The following DENND1B variants were observed in gnomAD, a reference collection of about 807,000 sequenced individuals.
DENND1B encodes DENN domain-containing protein 1B.
A neutral mutation model predicts 90.1 loss-of-function variants in DENND1B; 59 were observed. That is an observed-to-expected ratio of 0.65 (90% CI 0.53 to 0.81). The LOEUF (loss-of-function observed/expected upper bound fraction) is 0.81, where lower values mean the gene tolerates loss of function less well. DENND1B is among the 40% of genes least tolerant of loss of function. The pLI is 0.00. For missense variants in DENND1B, 862 were observed against 912.6 expected (o/e 0.94, Z 0.71); for synonymous variants, 337 against 324.6 (o/e 1.04, Z -0.41).
rs1262677343 is a variant in DENND1B, at chr1:197,734,950, C to A, written c.83-19876G>T. On this transcript the variant is annotated intron_variant, in intron 2 of 22. Coordinates refer to ENST00000620048, the MANE Select transcript of DENND1B (RefSeq NM_001195215.2). ...CACATGAAAATCTAAGCCTGGCAAA[C>A]AAAAATATTTAAATTAAAGACTCTG... The A allele has an allele frequency of 5.1e-6, 5 of 984,786 alleles. No individual in the cohort carries two copies. In the African/African-American group the frequency reaches 8.8e-5, roughly 17 times the overall value. The allele number at this position is 984,786 out of a possible 1,614,324, so 61.0% of individuals were successfully genotyped here. A position where few individuals can be genotyped will look rare whatever the true frequency, so the allele number is the denominator to read the frequency against.
At chr1:197,751,887 G>C (rs1391968597) in intron 2 of DENND1B, among the ~76,000 whole-genome samples, 1 of 146,042 alleles carries the variant, frequency 6.8e-6, no homozygotes, top group Non-Finnish European at 1.5e-5. Context: ...AGGAGGAGGA[G>C]GGAGGAGGAG....
upstream of DENND1B, among the ~76,000 whole-genome samples, chr1:197,777,775 CTTTA>C (rs1202602779): frequency 5.3e-5 from 8 of 152,114 alleles, no homozygotes; most frequent in Non-Finnish European, 8.8e-5. Flanking sequence ...AGAACATGGT[CTTTA>C]TTTATTAATT....
chr1:197,680,997 T>C (rs1558394922), intron 3 of DENND1B, among the ~76,000 whole-genome samples: 1 of 152,182 alleles, frequency 6.6e-6, no homozygotes, highest in Non-Finnish European at 1.5e-5. Context: ...CTTTTATTAG[T>C]CAGCTATTTG....
At chr1:197,643,707 C>T (rs774036503) in intron 9 of DENND1B, among the ~76,000 whole-genome samples, 3 of 152,138 alleles carry the variant, frequency 2.0e-5, no homozygotes, top group Admixed American at 1.3e-4. Flanking sequence ...TTTATATCCA[C>T]TATAATCAAA....
intron 3 of DENND1B, among the ~76,000 whole-genome samples, chr1:197,686,693 T>C (rs1218233309): frequency 6.6e-6 from 1 of 151,906 alleles, no homozygotes; most frequent in Non-Finnish European, 1.5e-5. Flanking sequence ...CTCCTCCCAC[T>C]GAAAAGTATC....
intron 2 of DENND1B, among the ~76,000 whole-genome samples, chr1:197,745,781 T>C (rs1264227401): frequency 6.6e-6 from 1 of 151,798 alleles, no homozygotes; most frequent in Non-Finnish European, 1.5e-5. Flanking sequence ...CTGAGAAAGA[T>C]ACTTAGGAAG....
chr1:197,595,335 T>C lies in DENND1B; in HGVS notation c.922-2A>G. 6.2e-7 allele frequency: 1 copy of C among 1,611,230 alleles called. No homozygotes were observed. The highest frequency in any genetic ancestry group is 1.1e-5 in the South Asian group (1 of 90,758). ...CAGTTTATTTTTCAAGGCCGAGACC[T>C]GCATGACAGAGAGGAACAGTTAAAT... On this transcript the variant is annotated splice_acceptor_variant, in intron 13 of 22. Coordinates refer to ENST00000620048, the MANE Select transcript of DENND1B (RefSeq NM_001195215.2). LOFTEE classifies it high-confidence loss of function.
intron 9 of DENND1B, among the ~76,000 whole-genome samples, chr1:197,644,194 T>C (rs1572172899): frequency 6.6e-6 from 1 of 152,196 alleles, no homozygotes; most frequent in African/African-American, 2.4e-5. Flanking sequence ...TTTCCTATAA[T>C]CTAAAAGAAA....
In DENND1B at chr1:197,507,402, T is replaced by C. The variant is rs1444578169; in HGVS notation, c.*3058A>G. The C allele has an allele frequency of 3.3e-5, 5 of 151,308 alleles. No individual in the cohort carries two copies. Among genetic ancestry groups the C allele is most frequent in the Non-Finnish European group, 7.4e-5 (5 of 67,536 alleles). 9.4% of individuals were successfully genotyped at this position (151,308 alleles called of 1,614,324 possible). ...TGTTTTGGTGCTTTTCTAAGACACA[T>C]TAAAGTAGGTAATCATCAAAAGATA... On this transcript the variant is annotated 3_prime_UTR_variant, in exon 23 of 23. Coordinates refer to ENST00000620048, the MANE Select transcript of DENND1B (RefSeq NM_001195215.2).
At chr1:197,551,113 C>CA (rs368753746) in intron 16 of DENND1B, among the ~76,000 whole-genome samples, 13,931 of 49,140 alleles carry the variant, frequency 0.28, 698 homozygotes, top group South Asian at 0.37. Flanking sequence ...ACACACACAC[C>CA]CCCTAGATAG....
intron 18 of DENND1B, 110 bp downstream of exon 18, chr1:197,545,812 T>A (rs561654734): frequency 3.8e-5 from 35 of 929,972 alleles, no homozygotes; most frequent in South Asian, 1.2e-4. Flanking sequence ...AATTTTTTTT[T>A]AGGTTTATTT....
chr1:197,731,569 T>G (rs757875274), intron 2 of DENND1B, among the ~76,000 whole-genome samples: 1 of 152,140 alleles, frequency 6.6e-6, no homozygotes, highest in Non-Finnish European at 1.5e-5. Context: ...AAGTCAAACT[T>G]CATATAGACA....
At chr1:197,704,839 A>G (rs1558423668) in intron 3 of DENND1B, among the ~76,000 whole-genome samples, 2 of 151,758 alleles carry the variant, frequency 1.3e-5, no homozygotes. Context: ...CAACATTCCA[A>G]GCAGAAAAAA....
At chr1:197,636,588 CACATAAT>C in intron 10 of DENND1B, among the ~76,000 whole-genome samples, 2 of 152,236 alleles carry the variant, frequency 1.3e-5, no homozygotes, top group Middle Eastern at 6.8e-3. Context: ...CTGTACCTAC[CACATAAT>C]ACATAATAAT....
intron 16 of DENND1B, chr1:197,552,150 C>T (rs1272870979): frequency 1.2e-6 from 1 of 859,028 alleles, no homozygotes; most frequent in East Asian, 1.2e-4. Flanking sequence ...ATTCCAGCAT[C>T]TATTTATTTA....
intron 5 of DENND1B, among the ~76,000 whole-genome samples, chr1:197,669,024 A>T (rs900660883): frequency 6.6e-6 from 1 of 152,030 alleles, no homozygotes; most frequent in Non-Finnish European, 1.5e-5. Context: ...TCTGTAAGTT[A>T]TTAGATGCTT....
intron 20 of DENND1B, among the ~76,000 whole-genome samples, chr1:197,525,059 A>G (rs1219340811): frequency 6.6e-6 from 1 of 152,162 alleles, no homozygotes; most frequent in Non-Finnish European, 1.5e-5. Context: ...CAGGGATTCT[A>G]AAAGACTGTC....
In DENND1B at chr1:197,765,510, G is replaced by C. The variant is rs139681608; in HGVS notation, c.82+7358C>G. On this transcript the variant is annotated intron_variant, in intron 2 of 22. Coordinates refer to ENST00000620048, the MANE Select transcript of DENND1B (RefSeq NM_001195215.2). ...CTTGCAAATAAAACATGAAAATTTA[G>C]AGAAAAAGAATATATTATCTGAGCC... Among the ~76,000 whole-genome samples the C allele has an allele frequency of 4.3e-3, 651 of 152,192 alleles. 5 individuals are homozygous for C. The highest frequency in any genetic ancestry group is 0.015 in the African/African-American group (624 of 41,532).
At chr1:197,602,721 CTT>C (rs1448926049) in intron 13 of DENND1B, among the ~76,000 whole-genome samples, 3 of 151,338 alleles carry the variant, frequency 2.0e-5, no homozygotes, top group African/African-American at 4.8e-5. Context: ...GCTTACATAA[CTT>C]AATATTTTTT....
Sources: allele counts gnomAD v4.1 joint callset (sites outside exome capture counted in the v4.1 genomes callset), GRCh38; gene constraint gnomAD v4.1.1; transcripts MANE v1.5; gene names NCBI Gene and HGNC (gene_info 2026-07-23, HGNC 2026-07-21).